The following EPN1 variants were observed in gnomAD, a reference collection of about 807,000 sequenced individuals.
The protein encoded by EPN1 is epsin-1.
EPN1 carries 25 observed loss-of-function variants against 56.9 expected under a neutral mutation model. The ratio of observed to expected loss-of-function variants is 0.44; its 90% CI spans 0.32 to 0.61. EPN1 has a LOEUF of 0.61. Among genes scored for constraint, EPN1 ranks in the 20% least tolerant of loss-of-function variants. EPN1 has a pLI of 0.05. For missense variants in EPN1, 785 were observed against 823.7 expected (o/e 0.95, Z 0.58); for synonymous variants, 411 against 361.8 (o/e 1.14, Z -1.54).
Position 55,689,452 on chromosome 19 carries a change from C to G in EPN1, c.678+81C>G, listed in dbSNP as rs893418243. On this transcript the variant is annotated intron_variant, in intron 5 of 10. Coordinates refer to ENST00000270460, the MANE Select transcript of EPN1 (RefSeq NM_001130072.2). The surrounding 1 kb of genome is among the most constrained non-coding windows in gnomAD (Gnocchi z 5.7). ...CGTCGCCCCTTCCTAAGTCACCCCC[C>G]ACCATCCTGCTGGGCCCGAAGCCCA... 9 of 1,089,512 alleles carry G rather than the reference C, an allele frequency of 8.3e-6. No individual in the cohort carries two copies. The highest frequency in any genetic ancestry group is 2.6e-5 in the East Asian group (1 of 38,660). 67.5% of individuals were successfully genotyped at this position (1,089,512 alleles called of 1,614,324 possible). A position where few individuals can be genotyped will look rare whatever the true frequency, so the allele number is the denominator to read the frequency against.
In EPN1 at chr19:55,697,614, A is replaced by C. The variant is rs1178791410; in HGVS notation, c.*2258A>C. On this transcript the variant is annotated 3_prime_UTR_variant, in exon 11 of 11. Transcript: ENST00000270460. ...AGGCTTGCACATAAATTTGGGGCTT[A>C]ACTACAGCATCTTCGGCATCTTCTT... 1.3e-5 allele frequency: 2 copies of C among 152,220 alleles called. No individual in the cohort carries two copies. The highest frequency in any genetic ancestry group is 3.9e-4 in the East Asian group (2 of 5,194). The allele number at this position is 152,220 out of a possible 1,614,324, so 9.4% of individuals were successfully genotyped here.
intron 2 of EPN1, among the ~76,000 whole-genome samples, chr19:55,679,396 C>T (rs1473114303): frequency 3.9e-5 from 6 of 152,218 alleles, no homozygotes; most frequent in Non-Finnish European, 8.8e-5. Flanking sequence ...GGGCTGGGGC[C>T]GGGTTATACT....
intron 8 of EPN1, 62 bp downstream of exon 8, chr19:55,692,858 A>G (rs1405762396): frequency 1.3e-6 from 2 of 1,585,350 alleles, no homozygotes; most frequent in East Asian, 2.3e-5. Flanking sequence ...GTTAGTGTTG[A>G]GTGTCCTAAG....
rs1555791594 is a variant in EPN1, at chr19:55,694,243, A to AAAAAAAC, written c.1265-483_1265-482insAAAAAAC. The AAAAAAAC allele has an allele frequency of 1.4e-5, 1 of 72,828 alleles. No individual in the cohort carries two copies. The highest frequency in any genetic ancestry group is 3.1e-5 in the Non-Finnish European group (1 of 31,850). The allele number at this position is 72,828 out of a possible 1,614,324, so 4.5% of individuals were successfully genotyped here. ...AGAAAAAAAAAAAAAAAAAAAAAAAACAGAAAATCAGACCTCTAGCCAACA... is the reference window on the plus strand; with the variant it reads ...AGAAAAAAAAAAAAAAAAAAAAAAAAAAAAAACCAGAAAATCAGACCTCTAGCCAACA... On this transcript the variant is annotated intron_variant, in intron 9 of 10. Transcript: ENST00000270460. The surrounding 1 kb of genome is among the most constrained non-coding windows in gnomAD (Gnocchi z 4.2).
Position 55,706,703 on chromosome 19 carries a change from A to T in EPN1, c.*11347A>T, listed in dbSNP as rs1600118323. 1 of 151,728 alleles carries T rather than the reference A, an allele frequency of 6.6e-6. No individual in the cohort carries two copies. Among genetic ancestry groups the T allele is most frequent in the East Asian group, 1.9e-4 (1 of 5,168 alleles). 9.4% of individuals were successfully genotyped at this position (151,728 alleles called of 1,614,324 possible). A position where few individuals can be genotyped will look rare whatever the true frequency, so the allele number is the denominator to read the frequency against. ...AGGGAGAGATTTAAAAAACAATAGT[A>T]AAGAGAGATTTAAAAAACAATAGTA... On this transcript the variant is annotated 3_prime_UTR_variant, in exon 11 of 11. Transcript: ENST00000270460.
chr19:55,689,069 G>C lies in EPN1; in HGVS notation c.603+75G>C, dbSNP rs952709175. On this transcript the variant is annotated intron_variant, in intron 4 of 10. Transcript: ENST00000270460. This position sits in a 1 kb window ranked among gnomAD's most constrained non-coding sequence, Gnocchi z 5.7. ...TCACTTCAGGCTCCCTCCCAGCCAG[G>C]CGTGGGCCTGGCCCTCACTGTCGCT... is the stretch of plus-strand genomic sequence containing the variant. The C allele has an allele frequency of 1.6e-5, 24 of 1,490,034 alleles. No homozygotes were observed. The African/African-American group carries it at 3.0e-4, about 19-fold the overall frequency. The allele number at this position is 1,490,034 out of a possible 1,614,324, so 92.3% of individuals were successfully genotyped here.
In EPN1 at chr19:55,678,590, TCGGGGCCCTGTGCCCCTTGCTGCTGCAGC is replaced by T. The variant is rs1391411073; in HGVS notation, c.-33_-5del. On this transcript the variant is annotated 5_prime_UTR_variant, in exon 2 of 11. Transcript: ENST00000270460. ...GGGAGTCGCCCCATCTCTCCACGCA[TCGGGGCCCTGTGCCCCTTGCTGCTGCAGC>T]CGGGCACCATGTCGACCTCGTCCTT... is the stretch of plus-strand genomic sequence containing the variant. 3 of 1,577,206 alleles carry T rather than the reference TCGGGGCCCTGTGCCCCTTGCTGCTGCAGC, an allele frequency of 1.9e-6. No individual in the cohort carries two copies. In the Admixed American group the frequency reaches 5.5e-5, roughly 29 times the overall value.
chr19:55,682,883 A>G (rs1299718893), intron 2 of EPN1, among the ~76,000 whole-genome samples: 1 of 151,856 alleles, frequency 6.6e-6, no homozygotes, highest in African/African-American at 2.4e-5. Context: ...TAGCCTCCCG[A>G]GTAGCTGGGA....
rs763444926 is a variant in EPN1, at chr19:55,695,918, G to C, written c.*562G>C. 21 of 154,832 alleles carry C rather than the reference G, an allele frequency of 1.4e-4. No homozygotes were observed. Among genetic ancestry groups the C allele is most frequent in the Non-Finnish European group, 2.4e-4 (17 of 69,886 alleles). The allele number at this position is 154,832 out of a possible 1,614,324, so 9.6% of individuals were successfully genotyped here. A position where few individuals can be genotyped will look rare whatever the true frequency, so the allele number is the denominator to read the frequency against. ...ATTTCCCTGACCCTCCCAGGTCAAGGGATGGCTGGGTTGAGGGTGGACTGT... is the reference window on the plus strand; with the variant it reads ...ATTTCCCTGACCCTCCCAGGTCAAGCGATGGCTGGGTTGAGGGTGGACTGT... On this transcript the variant is annotated 3_prime_UTR_variant, in exon 11 of 11. Transcript: ENST00000270460. This position sits in a 1 kb window ranked among gnomAD's most constrained non-coding sequence, Gnocchi z 4.4.
At position 55,707,036 on chromosome 19, in the gene EPN1, C is replaced by G. The variant is rs920582216; in HGVS notation, c.*11680C>G. ...CTAAAAATACCAAAACAAAAACTAG[C>G]AGGGCATGGTGGCGCATGCCTGAAA... On this transcript the variant is annotated 3_prime_UTR_variant, in exon 11 of 11. Transcript: ENST00000270460. 6.6e-6 allele frequency: 1 copy of G among 152,208 alleles called. No homozygotes were observed. Among genetic ancestry groups the G allele is most frequent in the African/African-American group, 2.4e-5 (1 of 41,434 alleles). The allele number at this position is 152,208 out of a possible 1,614,324, so 9.4% of individuals were successfully genotyped here. A position where few individuals can be genotyped will look rare whatever the true frequency, so the allele number is the denominator to read the frequency against.
In EPN1 at chr19:55,695,523, G is replaced by C; in HGVS notation, c.*167G>C. On this transcript the variant is annotated 3_prime_UTR_variant, in exon 11 of 11. Transcript: ENST00000270460. The surrounding 1 kb of genome is among the most constrained non-coding windows in gnomAD (Gnocchi z 4.4). ...CTTCCTTTCCCACCCCACCTCCCCG[G>C]AGAGAAACTGGACATGGGGCCTGGG... is the stretch of plus-strand genomic sequence containing the variant. 1 of 591,256 alleles carries C rather than the reference G, an allele frequency of 1.7e-6. No homozygotes were observed. Among genetic ancestry groups the C allele is most frequent in the Non-Finnish European group, 3.0e-6 (1 of 332,956 alleles). The allele number at this position is 591,256 out of a possible 1,614,324, so 36.6% of individuals were successfully genotyped here. A position where few individuals can be genotyped will look rare whatever the true frequency, so the allele number is the denominator to read the frequency against.
In EPN1 at chr19:55,695,075, G is replaced by A; in HGVS notation, c.1523-73G>A. On this transcript the variant is annotated intron_variant, in intron 10 of 10. Transcript: ENST00000270460. This position sits in a 1 kb window ranked among gnomAD's most constrained non-coding sequence, Gnocchi z 4.4. ...GGCAGGGACACTTCGCCCTTTGCCT[G>A]CACATGCTGGATGGACACAGGTGGG... 14 of 1,606,226 alleles carry A rather than the reference G, an allele frequency of 8.7e-6. No homozygotes were observed. Among genetic ancestry groups the A allele is most frequent in the Non-Finnish European group, 1.2e-5 (14 of 1,175,768 alleles).
rs1167680000 is a variant in EPN1, at chr19:55,685,545, A to G, written c.378A>G (p.Lys126=). The change falls in exon 3 of 11, where the codon AAA becomes AAG. Residue 126 remains lysine (K), a synonymous_variant. Coordinates refer to ENST00000270460, the MANE Select transcript of EPN1 (RefSeq NM_001130072.2). ...GKDQGVNVRE[K]AKQLVALLRD... ...ACCAGGGCGTGAACGTGCGTGAGAA[A>G]GCTAAGCAGCTGGTGGCCCTGCTGC... 2 of 1,612,170 alleles carry G rather than the reference A, an allele frequency of 1.2e-6. No individual in the cohort carries two copies. The highest frequency in any genetic ancestry group is 2.2e-5 in the South Asian group (2 of 90,698).
At chr19:55,692,878 G>C (rs1397866250) in intron 8 of EPN1, 73 bp from the exon 9 acceptor site, 3 of 1,594,356 alleles carry the variant, frequency 1.9e-6, no homozygotes, top group Non-Finnish European at 2.6e-6. Context: ...GGGAGGGGTG[G>C]ACGCCTGGAC....
intron 1 of EPN1, 146 bp from the exon 2 acceptor site, chr19:55,678,381 G>A: frequency 1.1e-6 from 1 of 874,180 alleles, no homozygotes; most frequent in Non-Finnish European, 1.7e-6. Context: ...TTGAGGAACT[G>A]AAACATGGAT....
At chr19:55,686,779 CAG>C (rs1156585112) in intron 3 of EPN1, among the ~76,000 whole-genome samples, 1 of 151,796 alleles carries the variant, frequency 6.6e-6, no homozygotes, top group Non-Finnish European at 1.5e-5. Context: ...GTGTAGGCGG[CAG>C]AGAGGGGCTG....
rs1555793013 is a variant in EPN1 at position 55,705,811 on chromosome 19, A to ATATATATATATATATGTG, written c.*10470_*10471insGTGTATATATATATATAT. 4.0e-5 allele frequency: 4 copies of ATATATATATATATATGTG among 99,564 alleles called. No homozygotes were observed. Among genetic ancestry groups the ATATATATATATATATGTG allele is most frequent in the Non-Finnish European group, 6.7e-5 (3 of 44,950 alleles). 6.2% of individuals were successfully genotyped at this position (99,564 alleles called of 1,614,324 possible). A position where few individuals can be genotyped will look rare whatever the true frequency, so the allele number is the denominator to read the frequency against. On this transcript the variant is annotated 3_prime_UTR_variant, in exon 11 of 11. Coordinates refer to ENST00000270460, the MANE Select transcript of EPN1 (RefSeq NM_001130072.2). ...GCTGGAATATTTGTTGTTGTGGGAT[A>ATATATATATATATATGTG]TATATATATATATATATTTAGAGTG...
Position 55,699,502 on chromosome 19 carries a change from G to GC in EPN1, c.*4150dup. On this transcript the variant is annotated 3_prime_UTR_variant, in exon 11 of 11. Transcript: ENST00000270460. ...AAACCGGCCTACTCACATCACAGGT[G>GC]CCCCTGGAGTTTCTCAAACTGCAGC... is the stretch of plus-strand genomic sequence containing the variant. The GC allele has an allele frequency of 6.6e-6, 1 of 152,340 alleles. No individual in the cohort carries two copies. The highest frequency in any genetic ancestry group is 2.1e-4 in the South Asian group (1 of 4,830). 9.4% of individuals were successfully genotyped at this position (152,340 alleles called of 1,614,324 possible). A position where few individuals can be genotyped will look rare whatever the true frequency, so the allele number is the denominator to read the frequency against.
intron 2 of EPN1, 59 bp from the exon 3 acceptor site, chr19:55,685,337 A>G: frequency 6.4e-7 from 1 of 1,568,338 alleles, no homozygotes; most frequent in East Asian, 2.3e-5. Context: ...CGTCGCAGGC[A>G]GTCTCTGGCC....
Sources: allele counts gnomAD v4.1 joint callset (sites outside exome capture counted in the v4.1 genomes callset), GRCh38; gene constraint gnomAD v4.1.1; non-coding constraint Gnocchi (gnomAD v3.1); transcripts MANE v1.5; gene names NCBI Gene and HGNC (gene_info 2026-07-23, HGNC 2026-07-21).